DOC2B: variants seen among roughly 807,000 people sequenced by gnomAD.
DOC2B encodes the protein double C2 domain beta, also known as double C2-like domain-containing protein beta.
A neutral mutation model predicts 28.9 loss-of-function variants in DOC2B; 21 were observed. The observed-to-expected ratio is 0.73, with a 90% CI of 0.52 to 1.05. The LOEUF is 1.05. Ranked by LOEUF, DOC2B falls within the 50% of genes least tolerant of loss-of-function variation. The probability of loss-of-function intolerance (pLI) is 0.00; values close to 1 mark genes in which losing one functional copy is unlikely to be tolerated. For synonymous variants in DOC2B, 194 were observed against 178.1 expected (o/e 1.09, Z -0.71); for missense variants, 384 against 421.1 (o/e 0.91, Z 0.77).
At chr17:161,606 G>T in intron 4 of DOC2B, 65 bp from the exon 5 acceptor site, 1 of 1,543,282 alleles carries the variant, frequency 6.5e-7, no homozygotes. Context: ...GTGGAGGTGT[G>T]CGCAGGTAGG....
rs536574321 is a variant in DOC2B, at chr17:172,496, C to T, written c.453+41G>A. 7.8e-6 allele frequency: 12 copies of T among 1,531,404 alleles called. No individual in the cohort carries two copies. In the African/African-American group the frequency reaches 1.5e-4, roughly 19 times the overall value. 94.9% of individuals were successfully genotyped at this position (1,531,404 alleles called of 1,614,324 possible). ...TCCCTGACCTAGGCCCTCTTGAGGACCCCGGGGCAGGGAATTTGGGGGCAG... is the reference window on the plus strand; with the variant it reads ...TCCCTGACCTAGGCCCTCTTGAGGATCCCGGGGCAGGGAATTTGGGGGCAG... On this transcript the variant is annotated intron_variant, in intron 2 of 8. Transcript: ENST00000613549.
chr17:166,536 T>A (rs2040267384), intron 2 of DOC2B, among the ~76,000 whole-genome samples: 1 of 152,234 alleles, frequency 6.6e-6, no homozygotes, highest in African/African-American at 2.4e-5. Flanking sequence ...CTCCCATAAT[T>A]CCTACAGGTT....
In DOC2B at chr17:169,285, A is replaced by G. The variant is rs183533348; in HGVS notation, c.453+3252T>C. On this transcript the variant is annotated intron_variant, in intron 2 of 8. Transcript: ENST00000613549. ...ACAGATACCGGGAGACTGCACTTAC[A>G]TGAGGTCCCTAGAATAGTCAAATCC... Among the ~76,000 whole-genome samples the G allele has an allele frequency of 1.4e-3, 213 of 152,112 alleles. 1 individual carries two copies. Among genetic ancestry groups the G allele is most frequent in the African/African-American group, 4.9e-3 (205 of 41,520 alleles).
At chr17:160,404 CTG>C (rs1171174484) in intron 5 of DOC2B, among the ~76,000 whole-genome samples, 2 of 152,214 alleles carry the variant, frequency 1.3e-5, no homozygotes, top group Non-Finnish European at 2.9e-5. Context: ...GCAAAAGTAA[CTG>C]GGATTCTGGG....
In DOC2B at chr17:160,004, G is replaced by A. The variant is rs2040182073; in HGVS notation, c.765+1411C>T. On this transcript the variant is annotated intron_variant, in intron 5 of 8. Coordinates refer to ENST00000613549, the MANE Select transcript of DOC2B (RefSeq NM_003585.5). ...TTTTTTTTTTTTTTTTTGAGACAGA[G>A]TCTTGCTCTTGCTCTTGTCACCCAG... 2.0e-5 allele frequency among the ~76,000 whole-genome samples: 3 copies of A among 146,496 alleles called. No individual in the cohort carries two copies. The South Asian group carries it at 6.4e-4, about 31-fold the overall frequency.
intron 6 of DOC2B, among the ~76,000 whole-genome samples, chr17:152,248 G>A (rs35054424): frequency 0.81 from 123,786 of 152,150 alleles, 50,713 homozygotes; most frequent in East Asian, 0.86. Context: ...CCATTTTCAC[G>A]GGCATGAAAT....
chr17:158,598 C>A (rs1394591983), intron 5 of DOC2B, among the ~76,000 whole-genome samples: 1 of 152,226 alleles, frequency 6.6e-6, no homozygotes, highest in Non-Finnish European at 1.5e-5. Context: ...CCTCAGAATC[C>A]TTTTCAACAC....
intron 7 of DOC2B, among the ~76,000 whole-genome samples, chr17:148,903 C>T (rs2040043771): frequency 1.3e-5 from 2 of 151,272 alleles, no homozygotes; most frequent in African/African-American, 4.9e-5. Flanking sequence ...CTCAACACTT[C>T]CCTCCCCCCA....
At chr17:172,346 A>C (rs2040322154) in intron 2 of DOC2B, among the ~76,000 whole-genome samples, 191 bp downstream of exon 2, 1 of 152,110 alleles carries the variant, frequency 6.6e-6, no homozygotes, top group Non-Finnish European at 1.5e-5. Flanking sequence ...CTGACTGTCC[A>C]AGGCATTTCT....
rs2040018101 is a variant in DOC2B, at chr17:146,267, A to G, written c.*1174T>C. 1 of 152,408 alleles carries G rather than the reference A, an allele frequency of 6.6e-6. No homozygotes were observed. Among genetic ancestry groups the G allele is most frequent in the Admixed American group, 6.5e-5 (1 of 15,280 alleles). 9.4% of individuals were successfully genotyped at this position (152,408 alleles called of 1,614,324 possible). A position where few individuals can be genotyped will look rare whatever the true frequency, so the allele number is the denominator to read the frequency against. On this transcript the variant is annotated 3_prime_UTR_variant, in exon 9 of 9. Transcript: ENST00000613549. ...CACCCGGAGGCCCCCAGTGTGAGCC[A>G]TGGAGTGGAGGGGAGGGGAAAGGGC...
chr17:164,773 A>C (rs1371298760), intron 2 of DOC2B, among the ~76,000 whole-genome samples: 4 of 152,212 alleles, frequency 2.6e-5, no homozygotes, highest in African/African-American at 9.7e-5. Flanking sequence ...CCACGCGTGC[A>C]CAGCCAGAGG....
At chr17:170,106 C>T (rs1374704811) in intron 2 of DOC2B, among the ~76,000 whole-genome samples, 1 of 152,198 alleles carries the variant, frequency 6.6e-6, no homozygotes, top group Non-Finnish European at 1.5e-5. Context: ...TCTCCAGTCC[C>T]CAGGCCTGGA....
At chr17:175,433 G>C (rs1026647009) in intron 1 of DOC2B, among the ~76,000 whole-genome samples, 1 of 152,214 alleles carries the variant, frequency 6.6e-6, no homozygotes, top group Non-Finnish European at 1.5e-5. Context: ...GCCACAGCCC[G>C]AGATGCACCA....
At chr17:159,521 G>C (rs1355903349) in intron 5 of DOC2B, among the ~76,000 whole-genome samples, 1 of 152,214 alleles carries the variant, frequency 6.6e-6, no homozygotes, top group Non-Finnish European at 1.5e-5. Flanking sequence ...CTACTCGGGA[G>C]GCTGAGGCAT....
chr17:166,382 A>G (rs2040264928), intron 2 of DOC2B, among the ~76,000 whole-genome samples: 1 of 152,204 alleles, frequency 6.6e-6, no homozygotes, highest in Non-Finnish European at 1.5e-5. Context: ...CAGGGCAGGG[A>G]GCTGCTAGTG....
At chr17:170,581 C>T (rs977237658) in intron 2 of DOC2B, among the ~76,000 whole-genome samples, 27 of 152,160 alleles carry the variant, frequency 1.8e-4, no homozygotes, top group African/African-American at 6.5e-4. Context: ...CTGGCTCAGG[C>T]CCTTACATGG....
chr17:181,194 G>GGCCCGGGCTGGA lies in DOC2B; in HGVS notation c.274_285dup (p.Ser92_Gly95dup), dbSNP rs2040438564. ...CGCGCGGGGCTGGGACCCGGGCTGGGGCCCGGGCTGGAGCCGTAGGCTCCG... is the reference window on the plus strand; with the variant it reads ...CGCGCGGGGCTGGGACCCGGGCTGGGGCCCGGGCTGGAGCCCGGGCTGGAGCCGTAGGCTCCG... On this transcript the variant is annotated inframe_insertion, in exon 1 of 9. Coordinates refer to ENST00000613549, the MANE Select transcript of DOC2B (RefSeq NM_003585.5). This position sits in a 1 kb window ranked among gnomAD's most constrained non-coding sequence, Gnocchi z 7.0. 4.8e-6 allele frequency: 6 copies of GGCCCGGGCTGGA among 1,237,164 alleles called. No homozygotes were observed. Among genetic ancestry groups the GGCCCGGGCTGGA allele is most frequent in the Non-Finnish European group, 4.0e-6 (4 of 990,592 alleles). The allele number at this position is 1,237,164 out of a possible 1,614,324, so 76.6% of individuals were successfully genotyped here. A position where few individuals can be genotyped will look rare whatever the true frequency, so the allele number is the denominator to read the frequency against.
chr17:158,882 T>G (rs1164593791), intron 5 of DOC2B, among the ~76,000 whole-genome samples: 1 of 148,116 alleles, frequency 6.8e-6, no homozygotes, highest in Admixed American at 6.7e-5. Context: ...CCATCTCTAC[T>G]AAAAATACAA....
rs2039999983 is a variant in DOC2B, at chr17:143,811, C to T, written c.*3630G>A. ...CAAAATACAAAACTTGTCTGTGGGA[C>T]TGCAGTTTGAGGACAGTGTCTGCAG... On this transcript the variant is annotated 3_prime_UTR_variant, in exon 9 of 9. Transcript: ENST00000613549. 1 of 152,250 alleles carries T rather than the reference C, an allele frequency of 6.6e-6. No individual in the cohort carries two copies. The highest frequency in any genetic ancestry group is 1.9e-4 in the East Asian group (1 of 5,204). 9.4% of individuals were successfully genotyped at this position (152,250 alleles called of 1,614,324 possible).
Sources: gnomAD v4.1 joint callset for allele counts (sites outside exome capture counted in the v4.1 genomes callset) on GRCh38, gnomAD v4.1.1 for gene constraint, Gnocchi (gnomAD v3.1) non-coding constraint, MANE v1.5 for transcripts, NCBI Gene and HGNC (gene_info 2026-07-23, HGNC 2026-07-21) for gene names.